The following SYCP1 variants were observed in gnomAD, a reference collection of about 807,000 sequenced individuals.
SYCP1 encodes cancer/testis antigen 8.
Under a neutral mutation model 153.1 loss-of-function variants are expected in SYCP1, and 64 were observed. The observed-to-expected ratio is 0.42, with a 90% CI of 0.34 to 0.51. The LOEUF (loss-of-function observed/expected upper bound fraction) is 0.51. Among genes scored for constraint, SYCP1 ranks in the 20% least tolerant of loss-of-function variants. SYCP1 has a pLI of 0.06. For missense variants in SYCP1, 997 were observed against 1,049.0 expected (o/e 0.95, Z 0.68); for synonymous variants, 384 against 341.8 (o/e 1.12, Z -1.36).
chr1:114,870,783 G>A (rs1344189879), intron 8 of SYCP1, among the ~76,000 whole-genome samples: 1 of 152,176 alleles, frequency 6.6e-6, no homozygotes, highest in Non-Finnish European at 1.5e-5. Context: ...CTTATAGACA[G>A]CATGTAGTTG....
intron 23 of SYCP1, among the ~76,000 whole-genome samples, chr1:114,942,374 G>A (rs945527615): frequency 4.0e-5 from 6 of 151,696 alleles, no homozygotes; most frequent in Non-Finnish European, 7.4e-5. Context: ...AAGAACACTC[G>A]GACATTTAAC....
At chr1:114,858,502 T>C in intron 5 of SYCP1, 45 bp from the exon 6 acceptor site, 1 of 1,498,320 alleles carries the variant, frequency 6.7e-7, no homozygotes, top group Non-Finnish European at 9.0e-7. Context: ...AGTTTGGTTA[T>C]ATTAGAATTT....
At chr1:114,987,956 C>A (rs2101973717) in intron 30 of SYCP1, among the ~76,000 whole-genome samples, 1 of 150,468 alleles carries the variant, frequency 6.6e-6, no homozygotes, top group African/African-American at 2.4e-5. Flanking sequence ...AACTCTGGAA[C>A]TGAAAGTACA....
At chr1:114,972,852 A>G (rs1206108301) in intron 27 of SYCP1, among the ~76,000 whole-genome samples, 1 of 152,146 alleles carries the variant, frequency 6.6e-6, no homozygotes, top group Non-Finnish European at 1.5e-5. Context: ...TGTGCTTAGG[A>G]GAAGAATGTT....
chr1:114,994,849 T>A (rs992640617), intron 31 of SYCP1, 33 bp from the exon 32 acceptor site: 2 of 1,575,208 alleles, frequency 1.3e-6, no homozygotes, highest in Non-Finnish European at 8.6e-7. Context: ...AAATTAAACA[T>A]GTTATGATTT....
At position 114,947,390 on chromosome 1, in the gene SYCP1, G is replaced by A. The variant is rs1007037153; in HGVS notation, c.2322+70G>A. 34 of 1,019,068 alleles carry A rather than the reference G, an allele frequency of 3.3e-5. 1 individual carries two copies. The highest frequency in any genetic ancestry group is 1.5e-6 in the Non-Finnish European group (1 of 676,440). The allele number at this position is 1,019,068 out of a possible 1,614,324, so 63.1% of individuals were successfully genotyped here. On this transcript the variant is annotated intron_variant, in intron 27 of 31. Coordinates refer to ENST00000369522, the MANE Select transcript of SYCP1 (RefSeq NM_003176.4). Reference sequence around the variant, plus strand: ...GGCAACTTTGCATTTTTAGAATTATGTCATATTATAAAATAATTTGATAAA... The same window carrying A: ...GGCAACTTTGCATTTTTAGAATTATATCATATTATAAAATAATTTGATAAA...
chr1:114,985,059 C>T (rs1673407086), intron 30 of SYCP1, among the ~76,000 whole-genome samples, 191 bp downstream of exon 30: 1 of 151,474 alleles, frequency 6.6e-6, no homozygotes, highest in African/African-American at 2.4e-5. Flanking sequence ...CAAATAATTT[C>T]CCTGTAAATT....
chr1:114,873,295 T>G (rs578198068), intron 8 of SYCP1, among the ~76,000 whole-genome samples: 2 of 152,184 alleles, frequency 1.3e-5, no homozygotes, highest in Non-Finnish European at 2.9e-5. Flanking sequence ...GGGAGGAGTA[T>G]TCTATAGACC....
intron 30 of SYCP1, among the ~76,000 whole-genome samples, chr1:114,988,099 AAAAG>A (rs1244055560): frequency 7.0e-6 from 1 of 141,868 alleles, no homozygotes; most frequent in Non-Finnish European, 1.5e-5. Flanking sequence ...AAAAAAAAGA[AAAAG>A]AAAAGAAAAG....
chr1:114,854,583 A>G (rs1332212304), upstream of SYCP1, among the ~76,000 whole-genome samples: 4 of 152,184 alleles, frequency 2.6e-5, no homozygotes, highest in Non-Finnish European at 5.9e-5. Flanking sequence ...ATTATAGGAC[A>G]TTTTAATTGT....
intron 27 of SYCP1, among the ~76,000 whole-genome samples, chr1:114,959,507 A>C (rs1426116169): frequency 6.6e-6 from 1 of 152,180 alleles, no homozygotes; most frequent in Admixed American, 6.5e-5. Flanking sequence ...TGATAGAAGC[A>C]TACATTGTGT....
intron 27 of SYCP1, among the ~76,000 whole-genome samples, chr1:114,947,686 G>C (rs1176920087): frequency 6.6e-6 from 1 of 151,134 alleles, no homozygotes; most frequent in African/African-American, 2.4e-5. Context: ...GGTGGCGGGC[G>C]CCTGTAGTCC....
chr1:114,894,188 G>A (rs1172261443), intron 15 of SYCP1, among the ~76,000 whole-genome samples: 3 of 151,876 alleles, frequency 2.0e-5, no homozygotes, highest in Non-Finnish European at 2.9e-5. Context: ...ACACTTTCTA[G>A]TTAAATAAGC....
intron 12 of SYCP1, among the ~76,000 whole-genome samples, chr1:114,884,237 C>A (rs534673401): frequency 2.6e-5 from 4 of 152,276 alleles, no homozygotes; most frequent in Admixed American, 2.0e-4. Flanking sequence ...ATTCGTTATA[C>A]TTCAAGCCTT....
In SYCP1 at chr1:114,856,590, T is replaced by G. The variant is rs756005526; in HGVS notation, c.126T>G (p.Thr42=). Residue 42 remains threonine, a synonymous_variant, in exon 3 of 32, where the codon ACT becomes ACG. Transcript: ENST00000369522. ...GTCTCTAGAGTTTCAACAAATGTAC[T>G]GAAGATGATTTTGAGTTTCCATTTG... ...STFFKSFNKC[T]EDDFEFPFAK... 1 of 1,611,444 alleles carries G rather than the reference T, an allele frequency of 6.2e-7. No individual in the cohort carries two copies. The highest frequency in any genetic ancestry group is 8.5e-7 in the Non-Finnish European group (1 of 1,178,984).
intron 27 of SYCP1, among the ~76,000 whole-genome samples, chr1:114,958,917 G>A (rs1229141629): frequency 4.2e-5 from 6 of 141,866 alleles, no homozygotes; most frequent in South Asian, 4.5e-4. Context: ...GCAACAGAGT[G>A]AGACTCCGTC....
intron 30 of SYCP1, among the ~76,000 whole-genome samples, chr1:114,985,483 T>A (rs1673439214): frequency 6.6e-6 from 1 of 151,934 alleles, no homozygotes; most frequent in African/African-American, 2.4e-5. Context: ...TTCATTTAAT[T>A]TTTTTAAAAA....
chr1:114,941,252 A>C (rs576052750), intron 23 of SYCP1, among the ~76,000 whole-genome samples: 106 of 152,312 alleles, frequency 7.0e-4, no homozygotes, highest in Admixed American at 2.4e-3. Context: ...TGTTGTTCAA[A>C]GTTCAACTGT....
At position 114,854,992 on chromosome 1, in the gene SYCP1, C is replaced by G. The variant is rs1663829526; in HGVS notation, c.-51C>G. ...GTAGCAGTTCGCGTGGGCACAGAAC[C>G]CACGGTTTCCCGCTAGTTCTTCAAA... is the stretch of plus-strand genomic sequence containing the variant. On this transcript the variant is annotated 5_prime_UTR_variant, in exon 1 of 32. Coordinates refer to ENST00000369522, the MANE Select transcript of SYCP1 (RefSeq NM_003176.4). 6.6e-6 allele frequency: 1 copy of G among 152,486 alleles called. No individual in the cohort carries two copies. Among genetic ancestry groups the G allele is most frequent in the South Asian group, 2.1e-4 (1 of 4,836 alleles). The allele number at this position is 152,486 out of a possible 1,614,324, so 9.4% of individuals were successfully genotyped here.
Sources: allele counts gnomAD v4.1 joint callset (sites outside exome capture counted in the v4.1 genomes callset), GRCh38; gene constraint gnomAD v4.1.1; transcripts MANE v1.5; gene names NCBI Gene and HGNC (gene_info 2026-07-23, HGNC 2026-07-21).